SMOC2: variants seen among roughly 807,000 people sequenced by gnomAD.
SMOC2 encodes the protein SPARC-related modular calcium-binding protein 2.
A neutral mutation model predicts 61.4 loss-of-function variants in SMOC2; 39 were observed. The observed-to-expected ratio is 0.64, with a 90% CI of 0.49 to 0.83. The LOEUF is 0.83. SMOC2 is among the 40% of genes least tolerant of loss of function. The probability of loss-of-function intolerance (pLI) is 0.00; values close to 1 mark genes in which losing one functional copy is unlikely to be tolerated. For missense variants in SMOC2, 556 were observed against 592.9 expected, an observed-to-expected ratio of 0.94 and a Z score of 0.65; for synonymous variants, 247 against 239.9, an observed-to-expected ratio of 1.03 and a Z score of -0.27.
chr6:168,653,604 CA>C (rs1787256176), intron 11 of SMOC2, among the ~76,000 whole-genome samples: 3 of 150,698 alleles, frequency 2.0e-5, no homozygotes, highest in Admixed American at 6.6e-5. Context: ...AGGAACTCAC[CA>C]ACCCTGCTCC....
intron 2 of SMOC2, among the ~76,000 whole-genome samples, chr6:168,519,369 C>T (rs1191931099): frequency 6.6e-6 from 1 of 152,182 alleles, no homozygotes; most frequent in Non-Finnish European, 1.5e-5. Flanking sequence ...TTTCTTCTTC[C>T]AGCAGACACA....
chr6:168,468,524 G>A (rs1781895902), intron 1 of SMOC2, among the ~76,000 whole-genome samples: 1 of 152,170 alleles, frequency 6.6e-6, no homozygotes, highest in South Asian at 2.1e-4. Flanking sequence ...TTGAATGCTG[G>A]TCTTGACAAT....
chr6:168,451,593 G>GTCTC lies in SMOC2; in HGVS notation c.84+10141_84+10144dup, dbSNP rs1227278020. ...TCGCGCTCTCTCTCTGTCTCTCTCT[G>GTCTC]TCTCTGTCTCTCTCTCTCTCTCTCT... is the stretch of plus-strand genomic sequence containing the variant. On this transcript the variant is annotated intron_variant, in intron 1 of 12. Coordinates refer to ENST00000356284, the MANE Select transcript of SMOC2 (RefSeq NM_001166412.2). Among the ~76,000 whole-genome samples, 236 of 94,190 alleles carry GTCTC rather than the reference G, an allele frequency of 2.5e-3. 1 individual carries two copies. The highest frequency in any genetic ancestry group is 9.1e-3 in the African/African-American group (197 of 21,718). 61.8% of individuals were successfully genotyped at this position (94,190 alleles called of 152,430 possible). A position where few individuals can be genotyped will look rare whatever the true frequency, so the allele number is the denominator to read the frequency against.
At position 168,452,382 on chromosome 6, in the gene SMOC2, C is replaced by T. The variant is rs997771456; in HGVS notation, c.84+10928C>T. On this transcript the variant is annotated intron_variant, in intron 1 of 12. Coordinates refer to ENST00000356284, the MANE Select transcript of SMOC2 (RefSeq NM_001166412.2). This position sits in a 1 kb window ranked among gnomAD's most constrained non-coding sequence, Gnocchi z 5.0. Reference sequence around the variant, plus strand: ...CAGAGTAAGCAGGGGGAGTGTGAGGCGGGCTGCCTGCCTGGGGCCTGGACT... The same window carrying T: ...CAGAGTAAGCAGGGGGAGTGTGAGGTGGGCTGCCTGCCTGGGGCCTGGACT... 3.3e-5 allele frequency among the ~76,000 whole-genome samples: 5 copies of T among 152,138 alleles called. No individual in the cohort carries two copies. The highest frequency in any genetic ancestry group is 1.3e-4 in the Admixed American group (2 of 15,266).
rs1491376699 is a variant in SMOC2 at position 168,599,538 on chromosome 6, ACT to A, written c.824+536_824+537del. ...CACACACTCATACCCCCACACACCCACTCACACACACTCATACCCCCATACAC... is the reference window on the plus strand; with the variant it reads ...CACACACTCATACCCCCACACACCCACACACACACTCATACCCCCATACAC... On this transcript the variant is annotated intron_variant, in intron 8 of 12. Transcript: ENST00000356284. Among the ~76,000 whole-genome samples the A allele has an allele frequency of 1.1e-3, 72 of 67,664 alleles. 2 individuals carry two copies. Among genetic ancestry groups the A allele is most frequent in the South Asian group, 2.3e-3 (4 of 1,724 alleles). The allele number at this position is 67,664 out of a possible 152,430, so 44.4% of individuals were successfully genotyped here. A position where few individuals can be genotyped will look rare whatever the true frequency, so the allele number is the denominator to read the frequency against.
chr6:168,539,734 C>G lies in SMOC2; in HGVS notation c.464-3891C>G, dbSNP rs138206449. On this transcript the variant is annotated intron_variant, in intron 4 of 12. Coordinates refer to ENST00000356284, the MANE Select transcript of SMOC2 (RefSeq NM_001166412.2). ...GGTGGTGGATGGGCTGTGTGCTGCT[C>G]TCTGCCAGCCTGTGCGTGGTCTCCT... 2.8e-4 allele frequency among the ~76,000 whole-genome samples: 42 copies of G among 152,350 alleles called. 1 individual carries two copies. In the East Asian group the frequency reaches 7.3e-3, roughly 27 times the overall value.
intron 2 of SMOC2, among the ~76,000 whole-genome samples, chr6:168,519,600 C>T (rs1459474579): frequency 6.6e-6 from 1 of 152,126 alleles, no homozygotes; most frequent in Non-Finnish European, 1.5e-5. Context: ...CATCGCACAT[C>T]CAAAGGGCCT....
At chr6:168,655,684 C>G (rs1306611858) in intron 11 of SMOC2, among the ~76,000 whole-genome samples, 2 of 151,250 alleles carry the variant, frequency 1.3e-5, no homozygotes, top group Non-Finnish European at 2.9e-5. Context: ...TTCCCTCACA[C>G]ATGTGTGCTA....
At chr6:168,624,537 C>T (rs1786332889) in intron 9 of SMOC2, among the ~76,000 whole-genome samples, 1 of 144,022 alleles carries the variant, frequency 6.9e-6, no homozygotes, top group Admixed American at 6.9e-5. Flanking sequence ...CAGATTCACA[C>T]ATAGACACAT....
chr6:168,441,214 G>T lies in SMOC2; in HGVS notation c.-157G>T, dbSNP rs1446975996. ...GGAGGACCTCTGGGTGCCTGCAGGG[G>T]AGCTGCTCCAGCCGGGCCGCCGGGA... On this transcript the variant is annotated 5_prime_UTR_variant, in exon 1 of 13. Coordinates refer to ENST00000356284, the MANE Select transcript of SMOC2 (RefSeq NM_001166412.2). The T allele has an allele frequency of 7.8e-6, 9 of 1,159,026 alleles. No individual in the cohort carries two copies. In the East Asian group the frequency reaches 2.6e-4, roughly 34 times the overall value. The allele number at this position is 1,159,026 out of a possible 1,614,324, so 71.8% of individuals were successfully genotyped here. A position where few individuals can be genotyped will look rare whatever the true frequency, so the allele number is the denominator to read the frequency against.
intron 7 of SMOC2, among the ~76,000 whole-genome samples, chr6:168,578,007 G>C (rs377567953): frequency 1.3e-5 from 2 of 152,216 alleles, no homozygotes; most frequent in South Asian, 2.1e-4. Flanking sequence ...ACCATAACTT[G>C]TTGCAAAACC....
chr6:168,454,157 G>A (rs969158710), intron 1 of SMOC2, among the ~76,000 whole-genome samples: 3 of 151,960 alleles, frequency 2.0e-5, no homozygotes, highest in Non-Finnish European at 4.4e-5. Flanking sequence ...GCCTGCAGGG[G>A]GTCACTCTGT....
At chr6:168,585,009 G>A (rs866790759) in intron 7 of SMOC2, among the ~76,000 whole-genome samples, 1 of 152,144 alleles carries the variant, frequency 6.6e-6, no homozygotes, top group Admixed American at 6.5e-5. Context: ...CCAGGTTGGA[G>A]TGCAGTGGTG....
At chr6:168,570,686 G>A (rs780106517) in intron 7 of SMOC2, among the ~76,000 whole-genome samples, 17 of 152,152 alleles carry the variant, frequency 1.1e-4, no homozygotes, top group Non-Finnish European at 2.2e-4. Context: ...GGAGAGGGAC[G>A]CTAAATACTT....
chr6:168,600,179 G>T (rs1213219372), intron 8 of SMOC2, among the ~76,000 whole-genome samples: 1 of 152,088 alleles, frequency 6.6e-6, no homozygotes, highest in Admixed American at 6.5e-5. Flanking sequence ...GCCGAGGCGG[G>T]TGGATCACCT....
At chr6:168,611,659 G>A (rs369731273) in intron 9 of SMOC2, among the ~76,000 whole-genome samples, 2,245 of 136,888 alleles carry the variant, frequency 0.016, 60 homozygotes, top group Admixed American at 0.12. Flanking sequence ...GTCGGGCCTG[G>A]CTGTGGCTCC....
In SMOC2 at chr6:168,598,794, C is replaced by T. The variant is rs757169743; in HGVS notation, c.638-24C>T. On this transcript the variant is annotated intron_variant, in intron 7 of 12. Transcript: ENST00000356284. ...GACGACGTCGCTGGATCCTGCTCAC[C>T]TTTTGCCTTCTTCTTCCCCGCAGTG... 8.1e-6 allele frequency: 13 copies of T among 1,612,712 alleles called. No individual in the cohort carries two copies. In the Admixed American group the frequency reaches 2.2e-4, roughly 27 times the overall value.
intron 9 of SMOC2, among the ~76,000 whole-genome samples, chr6:168,609,940 G>A (rs115089209): frequency 0.021 from 3,240 of 152,272 alleles, 90 homozygotes; most frequent in African/African-American, 0.073. Flanking sequence ...AAAAGGGACC[G>A]TGACAGAGGC....
intron 4 of SMOC2, among the ~76,000 whole-genome samples, chr6:168,537,676 C>G (rs143024216): frequency 6.6e-6 from 1 of 152,206 alleles, no homozygotes; most frequent in Non-Finnish European, 1.5e-5. Context: ...AACACAGGAC[C>G]GCTGCTGCCC....
Sources: allele counts gnomAD v4.1 joint callset (sites outside exome capture counted in the v4.1 genomes callset), GRCh38; gene constraint gnomAD v4.1.1; non-coding constraint Gnocchi (gnomAD v3.1); transcripts MANE v1.5; gene names NCBI Gene and HGNC (gene_info 2026-07-23, HGNC 2026-07-21).